The following TEP1 variants were observed in gnomAD, a reference collection of about 807,000 sequenced individuals.
TEP1 encodes telomerase associated protein 1.
TEP1 carries 241 observed loss-of-function variants against 306.3 expected under a neutral mutation model. The ratio of observed to expected loss-of-function variants is 0.79; its 90% CI spans 0.71 to 0.88. The LOEUF is 0.88. Among genes scored for constraint, TEP1 ranks in the 40% least tolerant of loss-of-function variants. The probability of loss-of-function intolerance (pLI) is 0.00; values close to 1 mark genes in which losing one functional copy is unlikely to be tolerated. For synonymous variants in TEP1, 1,289 were observed against 1,305.5 expected, an observed-to-expected ratio of 0.99 and a Z score of 0.27; for missense variants, 3,051 against 3,276.1, an observed-to-expected ratio of 0.93 and a Z score of 1.68.
chr14:20,375,936 A>T, intron 42 of TEP1, 68 bp from the exon 43 acceptor site: 1 of 1,507,732 alleles, frequency 6.6e-7, no homozygotes, highest in Non-Finnish European at 9.2e-7. Context: ...GAGCCATTTC[A>T]GGCAAGAAAT....
chr14:20,410,590 T>C (rs1443989165), intron 1 of TEP1, among the ~76,000 whole-genome samples: 2 of 136,084 alleles, frequency 1.5e-5, no homozygotes, highest in African/African-American at 6.0e-5. Context: ...GCCCAGCTGA[T>C]TTTTTTTTCT....
intron 43 of TEP1, 36 bp from the exon 44 acceptor site, chr14:20,374,572 G>GGACC: frequency 6.7e-7 from 1 of 1,498,798 alleles, no homozygotes; most frequent in Non-Finnish European, 9.2e-7. Flanking sequence ...GGGATTATCA[G>GGACC]CATCCCTCCA....
In TEP1 at chr14:20,368,458, C is replaced by T; in HGVS notation, c.7863G>A (p.Val2621=). ...QLAVGDVQGN[V]YFLNWE Reference sequence around the variant, plus strand: ...ATCTTCATTCCCAATTCAGAAAGTACACATTGCCCTGCACGTCTCCCACGG... The same window carrying T: ...ATCTTCATTCCCAATTCAGAAAGTATACATTGCCCTGCACGTCTCCCACGG... Residue 2621 remains valine, a synonymous_variant, in exon 55 of 55, where the codon GTG becomes GTA. Coordinates refer to ENST00000262715, the MANE Select transcript of TEP1 (RefSeq NM_007110.5). The T allele has an allele frequency of 6.2e-7, 1 of 1,614,132 alleles. No individual in the cohort carries two copies.
intron 41 of TEP1, 38 bp downstream of exon 41, chr14:20,377,242 A>G: frequency 2.7e-6 from 4 of 1,496,052 alleles, no homozygotes; most frequent in Non-Finnish European, 3.6e-6. Flanking sequence ...AAAGAAAAGA[A>G]CAGTAATTTG....
intron 1 of TEP1, among the ~76,000 whole-genome samples, chr14:20,412,052 T>C (rs894028420): frequency 6.6e-6 from 1 of 152,164 alleles, no homozygotes; most frequent in Non-Finnish European, 1.5e-5. Flanking sequence ...CACCTAAACT[T>C]AGTGTGAAAA....
intron 33 of TEP1, 72 bp downstream of exon 33, chr14:20,380,859 G>A (rs570676486): frequency 1.5e-6 from 2 of 1,327,816 alleles, no homozygotes; most frequent in Admixed American, 1.8e-5. Flanking sequence ...CCCCAACCCT[G>A]AGCAGGGCCC....
intron 52 of TEP1, 33 bp downstream of exon 52, chr14:20,369,641 C>G (rs761982249): frequency 1.5e-5 from 24 of 1,613,282 alleles, no homozygotes; most frequent in Non-Finnish European, 2.0e-5. Flanking sequence ...TGGGCCATCT[C>G]CCGGCTCCTC....
chr14:20,368,758 G>GCACA (rs764317784), intron 54 of TEP1, 40 bp downstream of exon 54: 62 of 1,340,072 alleles, frequency 4.6e-5, no homozygotes, highest in African/African-American at 1.9e-5. Context: ...AGGTGTGCAG[G>GCACA]CGCACGCACA....
In TEP1 at chr14:20,384,092, G is replaced by T. The variant is rs370049348; in HGVS notation, c.3480C>A (p.His1160Gln). The T allele has an allele frequency of 9.3e-6, 15 of 1,613,698 alleles. No individual in the cohort carries two copies. Among genetic ancestry groups the T allele is most frequent in the Non-Finnish European group, 2.5e-6 (3 of 1,179,974 alleles). ...GCCCCGTCACCAGGCTCAGCCTTCC[G>T]TGGGGCAGCATCAGCCGTTGCACTG... ...QDTVQRLMLPHGRLSLVTGQS... is the reference protein window; with the variant it reads ...QDTVQRLMLPQGRLSLVTGQS... The change falls in exon 24 of 55, where the codon CAC becomes CAA. Residue 1160 changes from histidine to glutamine, a missense_variant. By Grantham distance (24) the His-to-Gln change is conservative (BLOSUM62 0). Transcript: ENST00000262715.
chr14:20,368,552 A>G lies in TEP1; in HGVS notation c.7769T>C (p.Leu2590Pro). The G allele has an allele frequency of 6.2e-7, 1 of 1,614,188 alleles. No individual in the cohort carries two copies. The highest frequency in any genetic ancestry group is 1.6e-4 in the Middle Eastern group (1 of 6,062). The part of the protein sequence containing the change: ...WERPSMQLLG[L>P]FRCEGSVSCL... ...GCTCACTGACCCTTCGCATCGGAAC[A>G]GGCCCAGCTACGATGGGAACAAAAA... Residue 2590 changes from leucine to proline, a missense_variant, in exon 55 of 55, where the codon CTG becomes CCG. By Grantham distance (98) the Leu-to-Pro change is moderately conservative. This residue lies in a region of TEP1 where 1,540 missense variants were observed against 1,705.9 expected (regional missense o/e 0.90). Transcript: ENST00000262715.
rs372989857 is a variant in TEP1, at chr14:20,389,664, C to T, written c.2411G>A (p.Arg804His). 107 of 1,614,228 alleles carry T rather than the reference C, an allele frequency of 6.6e-5. No individual in the cohort carries two copies. The highest frequency in any genetic ancestry group is 4.9e-4 in the African/African-American group (37 of 75,058). Reference protein sequence around the residue: ...INVAKQLYWQRVNSKCLFVGI... With the variant: ...INVAKQLYWQHVNSKCLFVGI... ...AACAAAGAGGCACTTGGAATTCACACGCTGCCAGTAAAGCTGTTTGGCCAC... is the reference window on the plus strand; with the variant it reads ...AACAAAGAGGCACTTGGAATTCACATGCTGCCAGTAAAGCTGTTTGGCCAC... Residue 804 changes from arginine (R) to histidine (H), a missense_variant, in exon 16 of 55, where the codon CGT (arginine) becomes CAT (histidine). Around this residue, in one of 3 missense-constraint regions of TEP1, gnomAD observed 1,507 missense variants for 1,550.5 expected, o/e 0.97. Transcript: ENST00000262715.
At chr14:20,395,748 C>T (rs1373838258) in intron 11 of TEP1, 111 bp downstream of exon 11, 16 of 1,490,224 alleles carry the variant, frequency 1.1e-5, no homozygotes, top group Non-Finnish European at 1.5e-5. Context: ...CTGCCCCCCA[C>T]CCCGATACAC....
Position 20,369,560 on chromosome 14 carries a change from A to G in TEP1, c.7440T>C (p.Cys2480=). 6.2e-7 allele frequency: 1 copy of G among 1,614,174 alleles called. No homozygotes were observed. Among genetic ancestry groups the G allele is most frequent in the Non-Finnish European group, 8.5e-7 (1 of 1,180,036 alleles). Residue 2480 remains cysteine, a synonymous_variant, in exon 53 of 55, where the codon TGT becomes TGC. Coordinates refer to ENST00000262715, the MANE Select transcript of TEP1 (RefSeq NM_007110.5). The part of the protein sequence containing the change: ...AKPESESSFL[C]ASSDGILWNL... The stretch of plus-strand genomic sequence containing the variant: ...TCCATAGGATCCCATCAGAGCTGGC[A>G]CACAAAAATGAGGACTCTGCCATTT...
chr14:20,386,365 C>T, intron 19 of TEP1, 82 bp downstream of exon 19: 1 of 1,570,246 alleles, frequency 6.4e-7, no homozygotes, highest in Non-Finnish European at 8.6e-7. Context: ...TCCATTCTTG[C>T]AGCCCCAACC....
chr14:20,375,401 G>T (rs145146246), intron 43 of TEP1, among the ~76,000 whole-genome samples: 1,801 of 152,108 alleles, frequency 0.012, 37 homozygotes, highest in African/African-American at 0.041. Context: ...TGATCCACTC[G>T]CCTCGGCCTC....
Position 20,368,203 on chromosome 14 carries a change from T to A in TEP1, c.*234A>T, listed in dbSNP as rs917307276. On this transcript the variant is annotated 3_prime_UTR_variant, in exon 55 of 55. Coordinates refer to ENST00000262715, the MANE Select transcript of TEP1 (RefSeq NM_007110.5). ...CACTTTCTTGTGGTTCTAGTAAGGA[T>A]TAATGTTGAATAAGAAGAGACACAC... The A allele has an allele frequency of 2.7e-6, 1 of 366,736 alleles. No homozygotes were observed. The highest frequency in any genetic ancestry group is 2.1e-5 in the African/African-American group (1 of 48,554). The allele number at this position is 366,736 out of a possible 1,614,324, so 22.7% of individuals were successfully genotyped here. A position where few individuals can be genotyped will look rare whatever the true frequency, so the allele number is the denominator to read the frequency against.
intron 53 of TEP1, 41 bp from the exon 54 acceptor site, chr14:20,368,943 G>A (rs1343689180): frequency 1.3e-6 from 2 of 1,482,188 alleles, no homozygotes; most frequent in Non-Finnish European, 1.9e-6. Context: ...GAGTTCTCAG[G>A]GGCCCCTCCT....
chr14:20,400,429 A>AAAAAG (rs1216938054), intron 9 of TEP1, among the ~76,000 whole-genome samples: 3 of 149,364 alleles, frequency 2.0e-5, no homozygotes, highest in Non-Finnish European at 3.0e-5. Flanking sequence ...TCTAAAATTT[A>AAAAAG]AAAAGAAAAG....
intron 18 of TEP1, among the ~76,000 whole-genome samples, chr14:20,387,006 C>T (rs956067478): frequency 1.3e-5 from 2 of 151,510 alleles, no homozygotes; most frequent in Non-Finnish European, 2.9e-5. Context: ...GCGATCTCGG[C>T]TCACTGCAAC....
Sources: allele counts gnomAD v4.1 joint callset (sites outside exome capture counted in the v4.1 genomes callset), GRCh38; gene constraint gnomAD v4.1.1; regional missense constraint gnomAD v4.1.1; transcripts MANE v1.5; gene names NCBI Gene and HGNC (gene_info 2026-07-23, HGNC 2026-07-21).